The following AGFG1 variants were observed in gnomAD, a reference collection of about 807,000 sequenced individuals.
AGFG1 encodes the protein arf-GAP domain and FG repeat-containing protein 1.
AGFG1 carries 10 observed loss-of-function variants against 60.6 expected under a neutral mutation model. The ratio of observed to expected loss-of-function variants is 0.16; its 90% CI spans 0.10 to 0.28. AGFG1 has a LOEUF of 0.28. AGFG1 is among the 10% of genes least tolerant of loss of function. The probability of loss-of-function intolerance (pLI) is 1.00; values close to 1 mark genes in which losing one functional copy is unlikely to be tolerated. For synonymous variants in AGFG1, 247 were observed against 242.9 expected (o/e 1.02, Z -0.16); for missense variants, 537 against 676.5 (o/e 0.79, Z 2.29).
intron 2 of AGFG1, among the ~76,000 whole-genome samples, chr2:227,511,478 C>G (rs544221077): frequency 1.7e-4 from 26 of 152,138 alleles, no homozygotes; most frequent in African/African-American, 5.8e-4. Context: ...TGACTGTGTT[C>G]TAAGAAAACT....
chr2:227,558,272 G>A lies in AGFG1; in HGVS notation c.*3777G>A, dbSNP rs1157225249. ...AATGCTATCACATTTATATATGAATGCATTCTTTCTTAATATTTTGAAATT... is the reference window on the plus strand; with the variant it reads ...AATGCTATCACATTTATATATGAATACATTCTTTCTTAATATTTTGAAATT... On this transcript the variant is annotated 3_prime_UTR_variant, in exon 13 of 13. Transcript: ENST00000310078. 6.6e-6 allele frequency: 1 copy of A among 152,096 alleles called. No homozygotes were observed. Among genetic ancestry groups the A allele is most frequent in the South Asian group, 2.1e-4 (1 of 4,820 alleles). 9.4% of individuals were successfully genotyped at this position (152,096 alleles called of 1,614,324 possible).
chr2:227,490,303 G>T (rs989510099), intron 1 of AGFG1, among the ~76,000 whole-genome samples: 4 of 152,124 alleles, frequency 2.6e-5, no homozygotes, highest in African/African-American at 7.2e-5. Flanking sequence ...AGTTGGCCGG[G>T]CGTGGTCGCT....
At chr2:227,499,071 C>G (rs1191548663) in intron 2 of AGFG1, among the ~76,000 whole-genome samples, 3 of 152,050 alleles carry the variant, frequency 2.0e-5, no homozygotes, top group Non-Finnish European at 4.4e-5. Flanking sequence ...TATTTTTAAG[C>G]AAATGCGAGA....
intron 10 of AGFG1, among the ~76,000 whole-genome samples, chr2:227,543,913 C>T (rs896398077): frequency 7.9e-5 from 12 of 152,010 alleles, no homozygotes; most frequent in Non-Finnish European, 1.8e-4. Flanking sequence ...TGAATTGATC[C>T]CTTTACCATT....
intron 10 of AGFG1, among the ~76,000 whole-genome samples, chr2:227,549,100 A>AT (rs1214047424): frequency 6.6e-6 from 1 of 152,080 alleles, no homozygotes; most frequent in African/African-American, 2.4e-5. Context: ...AAGCACTCTA[A>AT]TTCGTTGTTA....
rs183420052 is a variant in AGFG1, at chr2:227,488,024, T to G, written c.168-3523T>G. The stretch of plus-strand genomic sequence containing the variant: ...TTTCCTCATGCTTACTCAATTTATG[T>G]AATAAGTGTAGCCTTGTAAAATTGT... On this transcript the variant is annotated intron_variant, in intron 1 of 12. Coordinates refer to ENST00000310078, the MANE Select transcript of AGFG1 (RefSeq NM_004504.5). Among the ~76,000 whole-genome samples the G allele has an allele frequency of 5.3e-4, 81 of 152,378 alleles. 2 individuals carry two copies. The East Asian group carries it at 0.014, about 26-fold the overall frequency.
intron 2 of AGFG1, among the ~76,000 whole-genome samples, chr2:227,518,136 T>C (rs905484917): frequency 3.9e-5 from 6 of 152,200 alleles, no homozygotes; most frequent in African/African-American, 1.2e-4. Context: ...GTATTAATGG[T>C]TTTCTCCTTT....
At chr2:227,482,958 T>C (rs925078400) in intron 1 of AGFG1, among the ~76,000 whole-genome samples, 2 of 148,542 alleles carry the variant, frequency 1.3e-5, no homozygotes, top group African/African-American at 5.0e-5. Flanking sequence ...TTTCAAGATA[T>C]CAAAACTGCA....
At position 227,472,550 on chromosome 2, in the gene AGFG1, G is replaced by A. The variant is rs752470294; in HGVS notation, c.129G>A (p.Thr43=). Residue 43 remains threonine (T), a synonymous_variant, in exon 1 of 13, where the codon ACG becomes ACA. Transcript: ENST00000310078. ...GCGGCCCCACCTACGTTAACATGAC[G>A]GTCGGCTCCTTCGTGTGTACCTCCT... ...DQRGPTYVNM[T]VGSFVCTSCS... is the part of the protein sequence containing the mutation. 1.3e-6 allele frequency: 2 copies of A among 1,581,364 alleles called. No homozygotes were observed. The highest frequency in any genetic ancestry group is 1.7e-4 in the Middle Eastern group (1 of 5,956).
chr2:227,479,431 A>C (rs1690390130), intron 1 of AGFG1, among the ~76,000 whole-genome samples: 1 of 152,276 alleles, frequency 6.6e-6, no homozygotes, highest in African/African-American at 2.4e-5. Flanking sequence ...TATAAATGAA[A>C]AGAATTAAGA....
In AGFG1 at chr2:227,545,742, G is replaced by A. The variant is rs567005404; in HGVS notation, c.1379-6217G>A. Among the ~76,000 whole-genome samples, 305 of 152,306 alleles carry A rather than the reference G, an allele frequency of 2.0e-3. 2 individuals are homozygous for A. The highest frequency in any genetic ancestry group is 6.8e-3 in the African/African-American group (284 of 41,554). Reference sequence around the variant, plus strand: ...GACCCTCAGCTGCAGGTCTGTTGGAGTTTGCTGGTGGTCCACTCCAGACCC... The same window carrying A: ...GACCCTCAGCTGCAGGTCTGTTGGAATTTGCTGGTGGTCCACTCCAGACCC... On this transcript the variant is annotated intron_variant, in intron 10 of 12. Transcript: ENST00000310078.
chr2:227,495,772 G>A (rs1690953777), intron 2 of AGFG1, among the ~76,000 whole-genome samples: 1 of 151,950 alleles, frequency 6.6e-6, no homozygotes, highest in Admixed American at 6.6e-5. Flanking sequence ...CTAGTTGTAA[G>A]TTAACCTTCC....
intron 1 of AGFG1, among the ~76,000 whole-genome samples, chr2:227,488,326 A>T (rs1428608782): frequency 6.6e-6 from 1 of 152,246 alleles, no homozygotes; most frequent in Non-Finnish European, 1.5e-5. Context: ...GAGATTACAT[A>T]TGTGTGACGT....
Position 227,495,678 on chromosome 2 carries a change from G to T in AGFG1, c.261+4038G>T, listed in dbSNP as rs530978079. 1.9e-4 allele frequency among the ~76,000 whole-genome samples: 29 copies of T among 152,220 alleles called. No homozygotes were observed. The South Asian group carries it at 5.6e-3, about 29-fold the overall frequency. On this transcript the variant is annotated intron_variant, in intron 2 of 12. Coordinates refer to ENST00000310078, the MANE Select transcript of AGFG1 (RefSeq NM_004504.5). ...TATAAAGTTAACGGAAGGTGGACTG[G>T]TGAACACTGCTGTAAGTAGATAATT...
At chr2:227,484,688 GTTTTTTTTT>G (rs745570416) in intron 1 of AGFG1, among the ~76,000 whole-genome samples, 1 of 25,092 alleles carries the variant, frequency 4.0e-5, no homozygotes, top group African/African-American at 1.1e-4. Context: ...TTTTTTTTTT[GTTTTTTTTT>G]TTTTTTTTTT....
chr2:227,506,511 G>GT (rs1206956573), intron 2 of AGFG1, among the ~76,000 whole-genome samples: 3 of 126,374 alleles, frequency 2.4e-5, no homozygotes, highest in Non-Finnish European at 4.8e-5. Context: ...GTGTATTTCT[G>GT]TTTGAGTTTT....
intron 1 of AGFG1, among the ~76,000 whole-genome samples, chr2:227,474,251 ATTT>A (rs1690216305): frequency 6.6e-6 from 1 of 152,206 alleles, no homozygotes; most frequent in South Asian, 2.1e-4. Context: ...ATTGTATTTG[ATTT>A]TTATTACATG....
intron 10 of AGFG1, among the ~76,000 whole-genome samples, chr2:227,547,986 A>G (rs527629398): frequency 6.1e-4 from 93 of 152,382 alleles, no homozygotes; most frequent in African/African-American, 2.2e-3. Context: ...TAGTCATACA[A>G]TGACAAATTA....
At chr2:227,495,763 T>C (rs1690953497) in intron 2 of AGFG1, among the ~76,000 whole-genome samples, 2 of 152,030 alleles carry the variant, frequency 1.3e-5, no homozygotes, top group African/African-American at 4.8e-5. Context: ...TTATGTTTTC[T>C]AGTTGTAAGT....
Sources: allele counts gnomAD v4.1 joint callset (sites outside exome capture counted in the v4.1 genomes callset), GRCh38; gene constraint gnomAD v4.1.1; transcripts MANE v1.5; gene names NCBI Gene and HGNC (gene_info 2026-07-23, HGNC 2026-07-21).